The following ME3 variants were observed in gnomAD, a reference collection of about 807,000 sequenced individuals.
ME3 encodes malic enzyme 3.
ME3 carries 48 observed loss-of-function variants against 68.9 expected under a neutral mutation model. The observed-to-expected ratio is 0.70, with a 90% CI of 0.55 to 0.89. ME3 has a LOEUF of 0.89. Among genes scored for constraint, ME3 ranks in the 40% least tolerant of loss-of-function variants. ME3 has a pLI of 0.00. For missense variants in ME3, 675 were observed against 797.4 expected (o/e 0.85, Z 1.85); for synonymous variants, 320 against 318.8 (o/e 1.00, Z -0.04).
At chr11:86,465,654 T>G (rs1950441461) in intron 7 of ME3, among the ~76,000 whole-genome samples, 1 of 151,952 alleles carries the variant, frequency 6.6e-6, no homozygotes, top group African/African-American at 2.4e-5. Flanking sequence ...CCTCCAAATA[T>G]CTCTCTTGCT....
intron 2 of ME3, among the ~76,000 whole-genome samples, chr11:86,576,060 C>T (rs114953003): frequency 1.3e-5 from 2 of 152,324 alleles, no homozygotes; most frequent in African/African-American, 4.8e-5. Context: ...GAATAATAAT[C>T]CCTGCTTCAA....
chr11:86,470,022 G>T (rs536147918), intron 7 of ME3, among the ~76,000 whole-genome samples: 1 of 152,196 alleles, frequency 6.6e-6, no homozygotes, highest in East Asian at 1.9e-4. Context: ...TGGGTAGGAG[G>T]GTCTGAGGTG....
chr11:86,473,878 G>A (rs944851368), intron 7 of ME3, among the ~76,000 whole-genome samples: 24 of 152,304 alleles, frequency 1.6e-4, no homozygotes, highest in African/African-American at 5.5e-4. Flanking sequence ...TCATAGGAAC[G>A]ACTGTTTGTG....
intron 6 of ME3, among the ~76,000 whole-genome samples, chr11:86,492,096 G>A (rs1212795587): frequency 2.0e-5 from 3 of 152,196 alleles, no homozygotes; most frequent in African/African-American, 4.8e-5. Context: ...GATAGACCTG[G>A]GTTTGAATTG....
At chr11:86,600,929 A>C (rs1165154929) in intron 2 of ME3, among the ~76,000 whole-genome samples, 3 of 150,682 alleles carry the variant, frequency 2.0e-5, no homozygotes, top group African/African-American at 7.3e-5. Context: ...AACATACCAG[A>C]ATCTCTGGGA....
exon 4 of ME3, chr11:86,556,622 A>G: frequency 1.9e-6 from 3 of 1,614,152 alleles, no homozygotes; most frequent in Non-Finnish European, 2.5e-6. Context: ...CACGATTGGC[A>G]TGAACTTCTC....
intron 6 of ME3, among the ~76,000 whole-genome samples, chr11:86,490,399 G>T (rs1951929419): frequency 6.6e-6 from 1 of 152,062 alleles, no homozygotes; most frequent in South Asian, 2.1e-4. Flanking sequence ...GGACCTAAAG[G>T]GTGAAAGTGG....
In ME3 at chr11:86,610,635, C is replaced by T. The variant is rs151070131; in HGVS notation, c.184-50812G>A. On this transcript the variant is annotated intron_variant, in intron 2 of 14. Coordinates refer to ENST00000543262, the Ensembl canonical transcript of ME3. ...GGCTGTGCATGCATGAATCTATTGG[C>T]ACCCTGTAGTTCTCTTTTGGGCTGT... Among the ~76,000 whole-genome samples the T allele has an allele frequency of 4.7e-4, 71 of 151,296 alleles. 1 individual carries two copies. The highest frequency in any genetic ancestry group is 1.5e-3 in the African/African-American group (62 of 41,174).
chr11:86,485,011 A>G (rs58410116), intron 7 of ME3, among the ~76,000 whole-genome samples: 30,052 of 152,102 alleles, frequency 0.2, 3,676 homozygotes, highest in Non-Finnish European at 0.28. Flanking sequence ...CCTTCCTATA[A>G]TATCACCACA....
At chr11:86,653,453 G>A (rs532942784) in intron 2 of ME3, among the ~76,000 whole-genome samples, 2 of 152,130 alleles carry the variant, frequency 1.3e-5, no homozygotes, top group Non-Finnish European at 1.5e-5. Context: ...TCTCAAAACT[G>A]CTCAACTACA....
At chr11:86,629,659 G>A (rs1171729301) in intron 2 of ME3, among the ~76,000 whole-genome samples, 2 of 152,168 alleles carry the variant, frequency 1.3e-5, no homozygotes, top group Admixed American at 6.5e-5. Flanking sequence ...GGTATCTTCT[G>A]TGTCTTGGTG....
intron 6 of ME3, among the ~76,000 whole-genome samples, chr11:86,490,417 A>T (rs1951930705): frequency 6.6e-6 from 1 of 152,142 alleles, no homozygotes. Context: ...TGGTGCATAC[A>T]TGGTGCCTAC....
At chr11:86,602,025 T>C (rs1273152068) in intron 2 of ME3, among the ~76,000 whole-genome samples, 3 of 148,982 alleles carry the variant, frequency 2.0e-5, no homozygotes, top group African/African-American at 5.0e-5. Flanking sequence ...CTGGAAGCAT[T>C]CCCTTTGAAA....
chr11:86,579,837 AT>A (rs1187948212), intron 2 of ME3, among the ~76,000 whole-genome samples: 1 of 152,352 alleles, frequency 6.6e-6, no homozygotes, highest in East Asian at 1.9e-4. Context: ...AGGTCAATGG[AT>A]TCCAAGTTAG....
intron 6 of ME3, among the ~76,000 whole-genome samples, chr11:86,490,005 G>C (rs1432581641): frequency 6.6e-6 from 1 of 152,170 alleles, no homozygotes; most frequent in Non-Finnish European, 1.5e-5. Context: ...CTGGGCTGTT[G>C]GGTCCAGAGT....
chr11:86,632,359 G>T (rs905419296), intron 2 of ME3, among the ~76,000 whole-genome samples: 67 of 152,212 alleles, frequency 4.4e-4, no homozygotes, highest in East Asian at 1.5e-3. Context: ...GCCAAGGGGG[G>T]TGGGGTAGAG....
At chr11:86,590,455 G>A (rs1050483081) in intron 2 of ME3, among the ~76,000 whole-genome samples, 1 of 152,244 alleles carries the variant, frequency 6.6e-6, no homozygotes, top group East Asian at 1.9e-4. Flanking sequence ...GGGCTGGGAG[G>A]AGCAGTGGGG....
intron 4 of ME3, among the ~76,000 whole-genome samples, chr11:86,531,322 T>C (rs1955212311): frequency 6.6e-6 from 1 of 152,058 alleles, no homozygotes; most frequent in African/African-American, 2.4e-5. Flanking sequence ...CCAGTTAGAA[T>C]GGCCATCATT....
intron 4 of ME3, among the ~76,000 whole-genome samples, chr11:86,528,229 T>C (rs904810165): frequency 1.3e-5 from 2 of 152,104 alleles, no homozygotes; most frequent in Non-Finnish European, 1.5e-5. Flanking sequence ...AAACAGGCTT[T>C]AAACCAACAA....
Sources: allele counts gnomAD v4.1 joint callset (sites outside exome capture counted in the v4.1 genomes callset), GRCh38; gene constraint gnomAD v4.1.1; transcripts MANE v1.5; gene names NCBI Gene and HGNC (gene_info 2026-07-23, HGNC 2026-07-21).